Variants in COL13A1 observed in about 807,000 individuals in gnomAD.
The protein encoded by COL13A1 is collagen type XIII alpha 1 chain.
Under a neutral mutation model 130.9 loss-of-function variants are expected in COL13A1, and 89 were observed. That is an observed-to-expected ratio of 0.68 (90% CI 0.57 to 0.81). The LOEUF (loss-of-function observed/expected upper bound fraction) is 0.81. COL13A1 is among the 30% of genes least tolerant of loss of function. COL13A1 has a pLI of 0.00. For missense variants in COL13A1, 879 were observed against 934.6 expected, an observed-to-expected ratio of 0.94 and a Z score of 0.78; for synonymous variants, 402 against 341.6, an observed-to-expected ratio of 1.18 and a Z score of -1.95.
chr10:69,884,623 G>T (rs2060445701), intron 7 of COL13A1, among the ~76,000 whole-genome samples: 1 of 152,206 alleles, frequency 6.6e-6, no homozygotes, highest in Non-Finnish European at 1.5e-5. Context: ...TGAATTAAGG[G>T]AGAAGATTTC....
chr10:69,897,066 T>C (rs546889862), intron 13 of COL13A1, among the ~76,000 whole-genome samples: 1 of 151,454 alleles, frequency 6.6e-6, no homozygotes, highest in East Asian at 2.0e-4. Flanking sequence ...CAGCCCAACA[T>C]AAGGAAAGGG....
chr10:69,815,317 T>TG (rs963751133), intron 1 of COL13A1, among the ~76,000 whole-genome samples: 3 of 152,130 alleles, frequency 2.0e-5, no homozygotes, highest in Admixed American at 6.5e-5. Flanking sequence ...CCACATTCTC[T>TG]GGGGGGAGTG....
intron 12 of COL13A1, among the ~76,000 whole-genome samples, chr10:69,895,040 C>T (rs1303812018): frequency 1.3e-5 from 2 of 152,226 alleles, no homozygotes; most frequent in African/African-American, 4.8e-5. Flanking sequence ...AGGCATCAAC[C>T]TGTAAACCAC....
chr10:69,886,750 T>A (rs2060630439), intron 7 of COL13A1, among the ~76,000 whole-genome samples: 1 of 152,152 alleles, frequency 6.6e-6, no homozygotes, highest in Non-Finnish European at 1.5e-5. Context: ...TCTCATCACA[T>A]CCCCTTTGTC....
chr10:69,954,153 T>A (rs2070174597), intron 39 of COL13A1: 1 of 152,754 alleles, frequency 6.5e-6, no homozygotes, highest in African/African-American at 2.4e-5. Context: ...ACTTCCCACT[T>A]CTTCATTCTG....
At chr10:69,920,600 C>T (rs1470508857) in intron 21 of COL13A1, among the ~76,000 whole-genome samples, 1 of 152,192 alleles carries the variant, frequency 6.6e-6, no homozygotes, top group African/African-American at 2.4e-5. Flanking sequence ...CTTTGAGAGA[C>T]CGTTCTCCCT....
intron 13 of COL13A1, among the ~76,000 whole-genome samples, chr10:69,897,889 G>C (rs983985384): frequency 6.6e-6 from 1 of 152,188 alleles, no homozygotes; most frequent in Non-Finnish European, 1.5e-5. Flanking sequence ...ATGGGTAGAG[G>C]GACTGGAAGC....
chr10:69,882,852 G>A (rs2060276145), intron 7 of COL13A1, among the ~76,000 whole-genome samples: 1 of 152,166 alleles, frequency 6.6e-6, no homozygotes, highest in Admixed American at 6.5e-5. Flanking sequence ...TATCCCTGCT[G>A]AGTCCCCACT....
intron 36 of COL13A1, among the ~76,000 whole-genome samples, chr10:69,945,029 T>TGAGGGTG (rs895801693): frequency 3.9e-5 from 6 of 151,994 alleles, no homozygotes; most frequent in African/African-American, 1.5e-4. Context: ...TGTCCGAGGG[T>TGAGGGTG]GAGGGTGGAG....
At chr10:69,805,040 GCT>G in intron 1 of COL13A1, among the ~76,000 whole-genome samples, 1 of 152,274 alleles carries the variant, frequency 6.6e-6, no homozygotes, top group Non-Finnish European at 1.5e-5. Context: ...AGCCTTTGAG[GCT>G]GGGGGCCAGA....
chr10:69,895,653 C>A, intron 13 of COL13A1, 77 bp downstream of exon 13: 1 of 1,498,546 alleles, frequency 6.7e-7, no homozygotes, highest in East Asian at 2.3e-5. Context: ...CCTCATCTCC[C>A]TGGGGTCTCC....
In COL13A1 at chr10:69,895,535, C is replaced by T; in HGVS notation, c.658-15C>T. ...AAGTGCCTAACACCACCTTTCCCTTCCCTCTCCTTCCCAGGGTCAGTGTGG... is the reference window on the plus strand; with the variant it reads ...AAGTGCCTAACACCACCTTTCCCTTTCCTCTCCTTCCCAGGGTCAGTGTGG... On this transcript the variant is annotated splice_polypyrimidine_tract_variant and intron_variant, in intron 12 of 40. Coordinates refer to ENST00000645393, the MANE Select transcript of COL13A1 (RefSeq NM_001368882.1). The T allele has an allele frequency of 6.2e-7, 1 of 1,613,998 alleles. No homozygotes were observed. Among genetic ancestry groups the T allele is most frequent in the Non-Finnish European group, 8.5e-7 (1 of 1,179,878 alleles).
In COL13A1 at chr10:69,802,549, A is replaced by G. The variant is rs1319103517; in HGVS notation, c.126A>G (p.Pro42=). Residue 42 remains proline, a synonymous_variant, in exon 1 of 41, where the codon CCA becomes CCG. Transcript: ENST00000645393. ...AGCGCGGCGCACGGCTGCCGAGTCC[A>G]GGGTCGTGCGGGCTGCTGACGCTGG... ...RAERGARLPS[P]GSCGLLTLAL... is the part of the protein sequence containing the mutation. The G allele has an allele frequency of 3.7e-6, 6 of 1,608,402 alleles. No homozygotes were observed. Among genetic ancestry groups the G allele is most frequent in the African/African-American group, 1.3e-5 (1 of 74,332 alleles).
intron 1 of COL13A1, among the ~76,000 whole-genome samples, chr10:69,813,818 TCCTGCAGTC>T (rs1843698579): frequency 2.0e-5 from 3 of 152,146 alleles, no homozygotes; most frequent in Non-Finnish European, 4.4e-5. Flanking sequence ...GCCAGCCCTC[TCCTGCAGTC>T]CCTGGGATGT....
intron 18 of COL13A1, among the ~76,000 whole-genome samples, chr10:69,917,819 G>A (rs1353128154): frequency 6.6e-6 from 1 of 152,060 alleles, no homozygotes; most frequent in African/African-American, 2.4e-5. Context: ...AACACTGGGG[G>A]CGACTGTCCC....
intron 2 of COL13A1, among the ~76,000 whole-genome samples, chr10:69,846,310 A>G (rs946412704): frequency 6.6e-6 from 1 of 152,092 alleles, no homozygotes; most frequent in Non-Finnish European, 1.5e-5. Context: ...GTTCCTAATC[A>G]ACAGGAAGGG....
chr10:69,815,958 G>T (rs1844379017), intron 1 of COL13A1, among the ~76,000 whole-genome samples: 1 of 151,850 alleles, frequency 6.6e-6, no homozygotes, highest in Non-Finnish European at 1.5e-5. Context: ...GGAGGAAGGG[G>T]TGCAGGAGGT....
chr10:69,952,576 C>T (rs1327262847), intron 38 of COL13A1, among the ~76,000 whole-genome samples: 4 of 152,186 alleles, frequency 2.6e-5, no homozygotes, highest in East Asian at 3.9e-4. Flanking sequence ...CACAGACCCA[C>T]GCTGGGCTTA....
intron 36 of COL13A1, 77 bp from the exon 37 acceptor site, chr10:69,945,594 C>T: frequency 6.4e-7 from 1 of 1,558,274 alleles, no homozygotes; most frequent in Non-Finnish European, 8.7e-7. Context: ...TCCTGTATTT[C>T]ATACCAAAGT....
Sources: allele counts gnomAD v4.1 joint callset (sites outside exome capture counted in the v4.1 genomes callset), GRCh38; gene constraint gnomAD v4.1.1; transcripts MANE v1.5; gene names NCBI Gene and HGNC (gene_info 2026-07-23, HGNC 2026-07-21).